TDRD5: variants seen among roughly 807,000 people sequenced by gnomAD.
TDRD5 encodes tudor domain containing 5, also known as tudor domain-containing protein 5.
In TDRD5, 41 loss-of-function variants were observed where a neutral mutation model predicts 120.6. The observed-to-expected ratio is 0.34, with a 90% confidence interval of 0.26 to 0.44. The LOEUF (loss-of-function observed/expected upper bound fraction) is 0.44. Among genes scored for constraint, TDRD5 ranks in the 20% least tolerant of loss-of-function variants. The probability of loss-of-function intolerance (pLI) is 1.00; values close to 1 mark genes in which losing one functional copy is unlikely to be tolerated. For missense variants in TDRD5, 1,006 were observed against 1,221.2 expected, an observed-to-expected ratio of 0.82 and a Z score of 2.63; for synonymous variants, 430 against 433.7, an observed-to-expected ratio of 0.99 and a Z score of 0.11.
At chr1:179,647,812 A>G in intron 11 of TDRD5, among the ~76,000 whole-genome samples, 1 of 147,516 alleles carries the variant, frequency 6.8e-6, no homozygotes, top group Non-Finnish European at 1.5e-5. Flanking sequence ...TTCTCAAAAG[A>G]AGACATTTAT....
intron 17 of TDRD5, among the ~76,000 whole-genome samples, chr1:179,689,529 G>A (rs1458342449): frequency 4.6e-5 from 7 of 152,206 alleles, no homozygotes; most frequent in South Asian, 2.1e-4. Flanking sequence ...CAGTCTGTCC[G>A]TTCTCAGATT....
chr1:179,625,753 T>A (rs1677087350), intron 6 of TDRD5, among the ~76,000 whole-genome samples: 1 of 152,170 alleles, frequency 6.6e-6, no homozygotes, highest in Non-Finnish European at 1.5e-5. Context: ...AGCCTACTAT[T>A]CATCAATAAG....
At chr1:179,638,039 A>G (rs1677860961) in intron 9 of TDRD5, among the ~76,000 whole-genome samples, 1 of 152,272 alleles carries the variant, frequency 6.6e-6, no homozygotes, top group East Asian at 1.9e-4. Flanking sequence ...CGCTGGGAAC[A>G]ACAATAAGGA....
Position 179,665,930 on chromosome 1 carries a change from G to A in TDRD5, c.2649+2439G>A, listed in dbSNP as rs577947257. 2.6e-5 allele frequency among the ~76,000 whole-genome samples: 4 copies of A among 152,188 alleles called. No individual in the cohort carries two copies. The South Asian group carries it at 6.2e-4, about 24-fold the overall frequency. ...TCCTCTCCTGCTGTCTGTATCTTCAGCCTCTTTCTACTGGAGTGTTCTCAT... is the reference window on the plus strand; with the variant it reads ...TCCTCTCCTGCTGTCTGTATCTTCAACCTCTTTCTACTGGAGTGTTCTCAT... On this transcript the variant is annotated intron_variant, in intron 16 of 17. Coordinates refer to ENST00000444136, the MANE Select transcript of TDRD5 (RefSeq NM_001199085.3).
rs746369643 is a variant in TDRD5, at chr1:179,640,027, A to G, written c.1709A>G (p.Gln570Arg). 6 of 1,614,164 alleles carry G rather than the reference A, an allele frequency of 3.7e-6. No homozygotes were observed. The highest frequency in any genetic ancestry group is 5.1e-6 in the Non-Finnish European group (6 of 1,180,004). ...YPDFGNIGIV[Q>R]KSSLRFLKCC... ...GACTTTGGAAATATTGGAATTGTTC[A>G]GAAGTCCTCCCTGAGGTTCCTCAAG... The change falls in exon 10 of 18, where the codon CAG becomes CGG. Residue 570 changes from glutamine to arginine, a missense_variant. Physicochemically the swap from Gln to Arg is conservative, Grantham distance 43. Coordinates refer to ENST00000444136, the MANE Select transcript of TDRD5 (RefSeq NM_001199085.3).
chr1:179,658,286 G>A (rs1341484454), intron 14 of TDRD5, among the ~76,000 whole-genome samples: 1 of 152,048 alleles, frequency 6.6e-6, no homozygotes, highest in Non-Finnish European at 1.5e-5. Flanking sequence ...GGAAGTATTC[G>A]CTCATCTATT....
At chr1:179,636,837 T>C (rs1291134114) in intron 9 of TDRD5, among the ~76,000 whole-genome samples, 1 of 152,232 alleles carries the variant, frequency 6.6e-6, no homozygotes, top group Non-Finnish European at 1.5e-5. Flanking sequence ...TGAGTTGTTT[T>C]CCTTGAAGTG....
At position 179,639,834 on chromosome 1, in the gene TDRD5, C is replaced by T. The variant is rs1161865008; in HGVS notation, c.1521-5C>T. 6.2e-7 allele frequency: 1 copy of T among 1,613,376 alleles called. No individual in the cohort carries two copies. Among genetic ancestry groups the T allele is most frequent in the Non-Finnish European group, 8.5e-7 (1 of 1,179,848 alleles). On this transcript the variant is annotated splice_region_variant and splice_polypyrimidine_tract_variant and intron_variant, in intron 9 of 17. Coordinates refer to ENST00000444136, the MANE Select transcript of TDRD5 (RefSeq NM_001199085.3). ...TGGATTTCTCTGTATTATGGAATTC[C>T]ACAGGCGCTGTTATTCTAATCAGCT...
At chr1:179,613,762 C>T (rs2101952671) in intron 4 of TDRD5, among the ~76,000 whole-genome samples, 1 of 152,310 alleles carries the variant, frequency 6.6e-6, no homozygotes, top group South Asian at 2.1e-4. Context: ...GGCTCCACCT[C>T]CTAATACTAT....
intron 16 of TDRD5, among the ~76,000 whole-genome samples, chr1:179,664,786 T>C (rs1277798814): frequency 2.6e-5 from 4 of 152,164 alleles, no homozygotes; most frequent in African/African-American, 9.7e-5. Flanking sequence ...TCTGTGAACA[T>C]GTTTTAGTTT....
intron 9 of TDRD5, among the ~76,000 whole-genome samples, chr1:179,638,623 T>C (rs934867685): frequency 7.8e-6 from 1 of 127,740 alleles, no homozygotes; most frequent in Non-Finnish European, 1.7e-5. Flanking sequence ...TTATAGAATC[T>C]TGCTGCTCCA....
chr1:179,668,691 T>G (rs1225060668), intron 16 of TDRD5, among the ~76,000 whole-genome samples: 2 of 152,010 alleles, frequency 1.3e-5, no homozygotes, highest in African/African-American at 4.8e-5. Flanking sequence ...ATTGAATTTA[T>G]GTTCATTAGG....
At chr1:179,680,528 C>T (rs1680366935) in intron 17 of TDRD5, among the ~76,000 whole-genome samples, 1 of 152,158 alleles carries the variant, frequency 6.6e-6, no homozygotes, top group South Asian at 2.1e-4. Context: ...TTAATTTACT[C>T]TTTATCCTTC....
At chr1:179,609,411 C>T (rs1348844125) in intron 4 of TDRD5, among the ~76,000 whole-genome samples, 2 of 152,136 alleles carry the variant, frequency 1.3e-5, no homozygotes, top group Non-Finnish European at 2.9e-5. Context: ...TGTGACTCAT[C>T]ACATAAAGTC....
intron 4 of TDRD5, among the ~76,000 whole-genome samples, chr1:179,615,101 A>G (rs1676493654): frequency 6.6e-6 from 1 of 152,034 alleles, no homozygotes; most frequent in South Asian, 2.1e-4. Context: ...TGCACTTCCC[A>G]TATAAGTAAG....
rs991969360 is a variant in TDRD5 at position 179,634,609 on chromosome 1, G to A, written c.1279G>A (p.Val427Met). Reference sequence around the variant, plus strand: ...GAAGATTTGCAAGAAGCCTAATCTGGTGGTAAAGCCTTTACAGCTGGTGAG... The same window carrying A: ...GAAGATTTGCAAGAAGCCTAATCTGATGGTAAAGCCTTTACAGCTGGTGAG... ...QQKICKKPNLVVKPLQLQVET... is the reference protein window; with the variant it reads ...QQKICKKPNLMVKPLQLQVET... Residue 427 changes from valine to methionine, a missense_variant, in exon 8 of 18, where the codon GTG becomes ATG. Val to Met is a conservative substitution (Grantham distance 21, BLOSUM62 1). Coordinates refer to ENST00000444136, the MANE Select transcript of TDRD5 (RefSeq NM_001199085.3). 22 of 1,612,718 alleles carry A rather than the reference G, an allele frequency of 1.4e-5. No homozygotes were observed. The highest frequency in any genetic ancestry group is 1.9e-5 in the Non-Finnish European group (22 of 1,179,682).
intron 16 of TDRD5, among the ~76,000 whole-genome samples, chr1:179,668,946 A>G (rs562254046): frequency 1.6e-3 from 248 of 151,794 alleles, no homozygotes; most frequent in African/African-American, 5.7e-3. Flanking sequence ...GGGTTTCACC[A>G]TGTTGGCCAG....
At chr1:179,635,544 T>A in intron 8 of TDRD5, 123 bp from the exon 9 acceptor site, 3 of 943,988 alleles carry the variant, frequency 3.2e-6, no homozygotes, top group Non-Finnish European at 4.6e-6. Flanking sequence ...TTCAAGAATC[T>A]GTATTTTTAT....
At chr1:179,651,750 A>G (rs1346166867) in intron 12 of TDRD5, among the ~76,000 whole-genome samples, 2 of 151,998 alleles carry the variant, frequency 1.3e-5, no homozygotes, top group African/African-American at 2.4e-5. Flanking sequence ...CGTCTCCACT[A>G]AAAATACAAA....
Sources: gnomAD v4.1 joint callset for allele counts (sites outside exome capture counted in the v4.1 genomes callset) on GRCh38, gnomAD v4.1.1 for gene constraint, MANE v1.5 for transcripts, NCBI Gene and HGNC (gene_info 2026-07-23, HGNC 2026-07-21) for gene names.